The following PWP1 variants were observed in gnomAD, a reference collection of about 807,000 sequenced individuals.
PWP1 encodes periodic tryptophan protein 1 homolog.
Under a neutral mutation model 69.9 loss-of-function variants are expected in PWP1, and 47 were observed. That is an observed-to-expected ratio of 0.67 (90% CI 0.53 to 0.86). PWP1 has a LOEUF of 0.86. Ranked by LOEUF, PWP1 falls within the 40% of genes least tolerant of loss-of-function variation. The pLI is 0.00. For synonymous variants in PWP1, 222 were observed against 208.2 expected (o/e 1.07, Z -0.57); for missense variants, 551 against 608.8 (o/e 0.91, Z 1.00).
At chr12:107,695,848 A>G (rs1485999051) in intron 5 of PWP1, among the ~76,000 whole-genome samples, 1 of 152,198 alleles carries the variant, frequency 6.6e-6, no homozygotes, top group Non-Finnish European at 1.5e-5. Flanking sequence ...TCTTGTAGTT[A>G]TGAACATTAT....
chr12:107,710,619 C>T, intron 14 of PWP1, 109 bp downstream of exon 14: 1 of 1,405,290 alleles, frequency 7.1e-7, no homozygotes, highest in African/African-American at 1.4e-5. Flanking sequence ...AACTCCTGGC[C>T]TCAAGCAATC....
At chr12:107,702,329 G>A (rs2136281429) in intron 8 of PWP1, among the ~76,000 whole-genome samples, 1 of 152,038 alleles carries the variant, frequency 6.6e-6, no homozygotes, top group African/African-American at 2.4e-5. Flanking sequence ...TGCTCAGGCT[G>A]GAGTCCAGTG....
At chr12:107,707,465 G>A (rs1407331951) in intron 11 of PWP1, among the ~76,000 whole-genome samples, 1 of 152,202 alleles carries the variant, frequency 6.6e-6, no homozygotes, top group Non-Finnish European at 1.5e-5. Flanking sequence ...GGGCATCCCT[G>A]TCTTGTGCCA....
intron 3 of PWP1, among the ~76,000 whole-genome samples, chr12:107,689,733 G>T (rs1889444871): frequency 6.6e-6 from 1 of 152,082 alleles, no homozygotes; most frequent in African/African-American, 2.4e-5. Flanking sequence ...GTGACACAGT[G>T]GGACTCCATC....
rs192643581 is a variant in PWP1, at chr12:107,709,066, A to T, written c.1169-45A>T. 2.2e-5 allele frequency: 36 copies of T among 1,613,638 alleles called. No individual in the cohort carries two copies. In the East Asian group the frequency reaches 5.8e-4, roughly 26 times the overall value. On this transcript the variant is annotated intron_variant, in intron 12 of 14. Coordinates refer to ENST00000412830, the MANE Select transcript of PWP1 (RefSeq NM_007062.3). ...ATTTTTCTTAACTTATGATGAAGTA[A>T]ATCTGTATTTCAAAGCGAAAGTGTC...
rs201193016 is a variant in PWP1 at position 107,692,825 on chromosome 12, C to T, written c.331C>T (p.Leu111Phe). The T allele has an allele frequency of 6.2e-7, 1 of 1,612,600 alleles. No homozygotes were observed. Among genetic ancestry groups the T allele is most frequent in the African/African-American group, 1.3e-5 (1 of 74,980 alleles). Residue 111 changes from leucine (L) to phenylalanine (F), a missense_variant, in exon 4 of 15, where the codon CTT becomes TTT. Physicochemically the swap from Leu to Phe is conservative, Grantham distance 22. Transcript: ENST00000412830. ...DEEGDPDAET[L>F]GESLLGLTVY... ...AATTTTTCTTACAGATGCTGAGACT[C>T]TTGGTGAATCTCTCTTGGGTCTTAC...
intron 8 of PWP1, among the ~76,000 whole-genome samples, chr12:107,702,128 T>A (rs1358038937): frequency 6.6e-6 from 1 of 152,234 alleles, no homozygotes; most frequent in African/African-American, 2.4e-5. Context: ...TTGTGATTGC[T>A]GTAGATTTTC....
At chr12:107,706,681 G>C (rs1480104670) in intron 11 of PWP1, among the ~76,000 whole-genome samples, 3 of 152,042 alleles carry the variant, frequency 2.0e-5, no homozygotes, top group Non-Finnish European at 4.4e-5. Flanking sequence ...TCTTGTTTTT[G>C]TCAGGTTTGT....
intron 1 of PWP1, among the ~76,000 whole-genome samples, chr12:107,686,633 C>T (rs968178861): frequency 2.0e-5 from 3 of 152,312 alleles, no homozygotes; most frequent in African/African-American, 4.8e-5. Context: ...TTTCTGTAGG[C>T]CAGGCATTGT....
At chr12:107,711,569 A>T (rs1293470498) in intron 14 of PWP1, among the ~76,000 whole-genome samples, 1 of 152,174 alleles carries the variant, frequency 6.6e-6, no homozygotes, top group Non-Finnish European at 1.5e-5. Context: ...AACTTTCCGG[A>T]AGGGGCCACT....
At chr12:107,705,375 T>G (rs1429943834) in intron 11 of PWP1, among the ~76,000 whole-genome samples, 3 of 151,830 alleles carry the variant, frequency 2.0e-5, no homozygotes, top group Admixed American at 6.6e-5. Flanking sequence ...AGAAAGAGTT[T>G]TTTTTTTTTT....
intron 11 of PWP1, among the ~76,000 whole-genome samples, chr12:107,707,883 G>C (rs568862294): frequency 6.6e-6 from 1 of 151,874 alleles, no homozygotes; most frequent in Middle Eastern, 3.2e-3. Context: ...TGTCTCTGCC[G>C]GGCTTTGGTA....
intron 5 of PWP1, among the ~76,000 whole-genome samples, chr12:107,695,380 AG>A (rs1889562844): frequency 6.6e-6 from 1 of 152,222 alleles, no homozygotes; most frequent in Admixed American, 6.5e-5. Context: ...TTCTCATCAC[AG>A]GGATGTGATA....
chr12:107,688,240 T>C (rs904211031), intron 1 of PWP1, among the ~76,000 whole-genome samples: 4 of 151,990 alleles, frequency 2.6e-5, no homozygotes, highest in African/African-American at 9.7e-5. Flanking sequence ...TGAGCATGAT[T>C]TTTGAAGTTT....
chr12:107,712,113 A>G lies in PWP1; in HGVS notation c.1399A>G (p.Asn467Asp), dbSNP rs752060483. Reference protein sequence around the residue: ...VWDISTVSSVNEAFGRRERLV... With the variant: ...VWDISTVSSVDEAFGRRERLV... The stretch of plus-strand genomic sequence containing the variant: ...TTACCTGTTTATTTGTATTTTAGTA[A>G]ATGAAGCATTTGGAAGACGAGAGAG... Residue 467 changes from asparagine (N) to aspartate (D), a missense_variant and splice_region_variant, in exon 15 of 15, where the codon AAT becomes GAT. By Grantham distance (23) the Asn-to-Asp change is conservative. Coordinates refer to ENST00000412830, the MANE Select transcript of PWP1 (RefSeq NM_007062.3). 6.2e-7 allele frequency: 1 copy of G among 1,612,762 alleles called. No homozygotes were observed. The highest frequency in any genetic ancestry group is 1.1e-5 in the South Asian group (1 of 91,032).
At chr12:107,703,182 GC>G (rs1025607565) in intron 9 of PWP1, 151 bp downstream of exon 9, 1 of 638,526 alleles carries the variant, frequency 1.6e-6, no homozygotes, top group African/African-American at 1.8e-5. Context: ...TTTTCACAAA[GC>G]CCTGTGTGGT....
chr12:107,691,010 A>G (rs1335511225), intron 3 of PWP1, among the ~76,000 whole-genome samples: 1 of 152,180 alleles, frequency 6.6e-6, no homozygotes, highest in East Asian at 1.9e-4. Context: ...ATGAGAAATG[A>G]GTAAGTAGGC....
chr12:107,708,878 T>G, intron 11 of PWP1, 48 bp from the exon 12 acceptor site: 1 of 1,528,186 alleles, frequency 6.5e-7, no homozygotes, highest in Non-Finnish European at 9.0e-7. Flanking sequence ...TACCCATTGT[T>G]AGATTTTGTG....
chr12:107,705,127 G>C (rs1889791031), intron 11 of PWP1, among the ~76,000 whole-genome samples: 1 of 151,938 alleles, frequency 6.6e-6, no homozygotes, highest in African/African-American at 2.4e-5. Flanking sequence ...CTCTAGTGAT[G>C]AGAATGCTAA....
Sources: gnomAD v4.1 joint callset for allele counts (sites outside exome capture counted in the v4.1 genomes callset) on GRCh38, gnomAD v4.1.1 for gene constraint, MANE v1.5 for transcripts, NCBI Gene and HGNC (gene_info 2026-07-23, HGNC 2026-07-21) for gene names.